ZNF682: variants seen among roughly 807,000 people sequenced by gnomAD.
ZNF682 encodes zinc finger protein 682.
A neutral mutation model predicts 36.5 loss-of-function variants in ZNF682; 29 were observed. The observed-to-expected ratio is 0.80, with a 90% CI of 0.59 to 1.08. The LOEUF is 1.08. Ranked by LOEUF, ZNF682 falls within the 50% of genes least tolerant of loss-of-function variation. The probability of loss-of-function intolerance (pLI) is 0.00; values close to 1 mark genes in which losing one functional copy is unlikely to be tolerated. For missense variants in ZNF682, 561 were observed against 579.7 expected (o/e 0.97, Z 0.33); for synonymous variants, 180 against 197.0 (o/e 0.91, Z 0.72).
At chr19:19,996,439 C>T (rs1410433771), downstream of ZNF682, among the ~76,000 whole-genome samples, 8 of 152,032 alleles carry the variant, frequency 5.3e-5, no homozygotes, top group Admixed American at 5.2e-4. Flanking sequence ...GATAAAATGC[C>T]CATCAATATT....
At chr19:20,016,983 GAAGTA>G (rs1465513077) in intron 3 of ZNF682, among the ~76,000 whole-genome samples, 1 of 152,074 alleles carries the variant, frequency 6.6e-6, no homozygotes, top group Non-Finnish European at 1.5e-5. Flanking sequence ...ATATTCAACT[GAAGTA>G]AAGATGAGAT....
At chr19:20,028,319 T>C (rs907628743) in intron 1 of ZNF682, among the ~76,000 whole-genome samples, 2 of 152,070 alleles carry the variant, frequency 1.3e-5, no homozygotes, top group South Asian at 4.2e-4. Flanking sequence ...GTGATTCTCC[T>C]GCCTCAGCCT....
chr19:19,999,742 A>G (rs2088152578), downstream of ZNF682, among the ~76,000 whole-genome samples: 1 of 152,108 alleles, frequency 6.6e-6, no homozygotes, highest in Admixed American at 6.5e-5. Flanking sequence ...ACCATGTTGG[A>G]CAGGCTGGTA....
At chr19:20,002,336 G>A (rs559003035), downstream of ZNF682, among the ~76,000 whole-genome samples, 7 of 149,218 alleles carry the variant, frequency 4.7e-5, no homozygotes, top group Non-Finnish European at 8.9e-5. Context: ...CTCATGATCC[G>A]CCCGCCTTGG....
Position 20,006,636 on chromosome 19 carries a change from T to C in ZNF682, c.866A>G (p.Asp289Gly), listed in dbSNP as rs1281871671. 3.7e-6 allele frequency: 6 copies of C among 1,614,056 alleles called. No individual in the cohort carries two copies. In the African/African-American group the frequency reaches 8.0e-5, roughly 22 times the overall value. The change falls in exon 4 of 4, where the codon GAC becomes GGC. Residue 289 changes from aspartate (D) to glycine (G), a missense_variant. Asp to Gly is a moderately conservative substitution (Grantham distance 94, BLOSUM62 -1). Transcript: ENST00000397165. ...GTGCCGGTTAAACGCTCTGCCACAG[T>C]CTTCACATGTATAGGGTTTTTCTCC... ...HTGEKPYTCE[D>G]CGRAFNRHSH...
chr19:20,006,652 G>C lies in ZNF682; in HGVS notation c.850C>G (p.Pro284Ala). 6.2e-7 allele frequency: 1 copy of C among 1,613,980 alleles called. No individual in the cohort carries two copies. The highest frequency in any genetic ancestry group is 8.5e-7 in the Non-Finnish European group (1 of 1,179,996). ...RHKKIHTGEK[P>A]YTCEDCGRAF... is the part of the protein sequence containing the mutation. Reference sequence around the variant, plus strand: ...CTGCCACAGTCTTCACATGTATAGGGTTTTTCTCCTGTATGAATTTTCTTA... The same window carrying C: ...CTGCCACAGTCTTCACATGTATAGGCTTTTTCTCCTGTATGAATTTTCTTA... Residue 284 changes from proline (P) to alanine (A), a missense_variant, in exon 4 of 4, where the codon CCC (proline) becomes GCC (alanine). By Grantham distance (27) the Pro-to-Ala change is conservative. Coordinates refer to ENST00000397165, the MANE Select transcript of ZNF682 (RefSeq NM_033196.3).
At chr19:19,998,935 C>A (rs2088145102) in intron 3 of ZNF682, among the ~76,000 whole-genome samples, 2 of 152,106 alleles carry the variant, frequency 1.3e-5, no homozygotes, top group African/African-American at 4.8e-5. Flanking sequence ...GTTATGATTT[C>A]TCCCCCTATA....
chr19:20,007,366 G>A (rs2088237307), intron 3 of ZNF682, 91 bp from the exon 4 acceptor site: 1 of 1,247,954 alleles, frequency 8.0e-7, no homozygotes, highest in Non-Finnish European at 1.1e-6. Context: ...ATTAAGAAAA[G>A]GACAGGATGA....
downstream of ZNF682, chr19:19,996,998 A>G: frequency 2.7e-6 from 1 of 373,564 alleles, no homozygotes; most frequent in East Asian, 3.8e-5. Context: ...ACACACAGAA[A>G]CACTTCTCAG....
In ZNF682 at chr19:20,006,656, T is replaced by C; in HGVS notation, c.846A>G (p.Glu282=). Residue 282 remains glutamate (E), a synonymous_variant, in exon 4 of 4, where the codon GAA becomes GAG. Transcript: ENST00000397165. The stretch of plus-strand genomic sequence containing the variant: ...CACAGTCTTCACATGTATAGGGTTT[T>C]TCTCCTGTATGAATTTTCTTATGTC... ...FVRHKKIHTG[E]KPYTCEDCGR... is the part of the protein sequence containing the mutation. The C allele has an allele frequency of 6.2e-7, 1 of 1,613,824 alleles. No individual in the cohort carries two copies. The highest frequency in any genetic ancestry group is 8.5e-7 in the Non-Finnish European group (1 of 1,179,946).
downstream of ZNF682, among the ~76,000 whole-genome samples, chr19:20,001,635 T>C (rs1229700193): frequency 2.6e-5 from 4 of 152,198 alleles, no homozygotes; most frequent in Non-Finnish European, 5.9e-5. Flanking sequence ...ATGAAGGGCC[T>C]TAAAAACAGC....
chr19:20,006,189 G>C lies in ZNF682; in HGVS notation c.1313C>G (p.Ser438Ter). 1 of 1,613,336 alleles carries C rather than the reference G, an allele frequency of 6.2e-7. No individual in the cohort carries two copies. The highest frequency in any genetic ancestry group is 1.1e-5 in the South Asian group (1 of 91,060). ...AATTTTCTTATGTCTAGTAAGGTGT[G>C]AGCACCGATTAAAGGCTTTTCCACA... The part of the protein sequence containing the change: ...EECGKAFNRC[S>*]HLTRHKKIHT... The change falls in exon 4 of 4, where the codon TCA (serine) becomes TGA (stop). Residue 438 changes from serine to a stop codon, truncating the protein, a stop_gained. Coordinates refer to ENST00000397165, the MANE Select transcript of ZNF682 (RefSeq NM_033196.3). LOFTEE classifies it high-confidence loss of function.
At chr19:20,008,609 A>G (rs1176891143) in intron 3 of ZNF682, among the ~76,000 whole-genome samples, 1 of 152,124 alleles carries the variant, frequency 6.6e-6, no homozygotes, top group East Asian at 1.9e-4. Context: ...GAACAGCAGG[A>G]CCCCTGATAA....
At chr19:20,038,744 G>A (rs2088556538) in intron 1 of ZNF682, among the ~76,000 whole-genome samples, 1 of 152,066 alleles carries the variant, frequency 6.6e-6, no homozygotes, top group Non-Finnish European at 1.5e-5. Flanking sequence ...ACCAGGCAAT[G>A]ACAACCTGAA....
intron 3 of ZNF682, among the ~76,000 whole-genome samples, chr19:20,012,304 A>G (rs1482734330): frequency 6.6e-6 from 1 of 152,222 alleles, no homozygotes; most frequent in Non-Finnish European, 1.5e-5. Context: ...AATTTTTCTG[A>G]AAGATAAACA....
At position 20,005,233 on chromosome 19, in the gene ZNF682, G is replaced by A. The variant is rs887368554; in HGVS notation, c.*772C>T. ...TGGGACTACAGGCACCCGACAACAT[G>A]CCCAGCTAATTTTTTGTATTTTTAG... On this transcript the variant is annotated 3_prime_UTR_variant, in exon 4 of 4. Transcript: ENST00000397165. 3 of 152,134 alleles carry A rather than the reference G, an allele frequency of 2.0e-5. No individual in the cohort carries two copies. Among genetic ancestry groups the A allele is most frequent in the African/African-American group, 7.2e-5 (3 of 41,494 alleles). 9.4% of individuals were successfully genotyped at this position (152,134 alleles called of 1,614,324 possible).
intron 3 of ZNF682, among the ~76,000 whole-genome samples, chr19:20,016,363 C>T (rs1162876936): frequency 4.6e-5 from 7 of 151,954 alleles, no homozygotes; most frequent in African/African-American, 1.5e-4. Flanking sequence ...AAATGAAGAT[C>T]CTTGTATTAT....
At chr19:20,000,493 A>G (rs2088159955), downstream of ZNF682, among the ~76,000 whole-genome samples, 1 of 152,158 alleles carries the variant, frequency 6.6e-6, no homozygotes, top group South Asian at 2.1e-4. Flanking sequence ...AGACAGCCCC[A>G]CACCACCCCC....
intron 1 of ZNF682, among the ~76,000 whole-genome samples, chr19:20,031,685 G>A (rs2088480967): frequency 6.6e-6 from 1 of 152,134 alleles, no homozygotes; most frequent in Admixed American, 6.6e-5. Flanking sequence ...GCTCACCCCT[G>A]TAATCCCAGC....
Sources: gnomAD v4.1 joint callset for allele counts (sites outside exome capture counted in the v4.1 genomes callset) on GRCh38, gnomAD v4.1.1 for gene constraint, MANE v1.5 for transcripts, NCBI Gene and HGNC (gene_info 2026-07-23, HGNC 2026-07-21) for gene names.